The following MAGI1 variants were observed in gnomAD, a reference collection of about 807,000 sequenced individuals.
MAGI1 encodes membrane-associated guanylate kinase, WW and PDZ domain-containing protein 1.
In MAGI1, 58 loss-of-function variants were observed where a neutral mutation model predicts 139.9. The ratio of observed to expected loss-of-function variants is 0.41; its 90% CI spans 0.34 to 0.52. The LOEUF (loss-of-function observed/expected upper bound fraction) is 0.52, where lower values mean the gene tolerates loss of function less well. Ranked by LOEUF, MAGI1 falls within the 20% of genes least tolerant of loss-of-function variation. MAGI1 has a pLI of 0.12. For missense variants in MAGI1, 1,874 were observed against 1,901.6 expected (o/e 0.99, Z 0.27); for synonymous variants, 812 against 737.9 (o/e 1.10, Z -1.63).
chr3:65,940,130 G>A (rs2063238582), intron 1 of MAGI1, among the ~76,000 whole-genome samples: 1 of 152,242 alleles, frequency 6.6e-6, no homozygotes, highest in East Asian at 1.9e-4. Flanking sequence ...AAGCAGTGAA[G>A]CACTAGAATA....
At chr3:65,847,378 TG>T (rs2059042112) in intron 1 of MAGI1, among the ~76,000 whole-genome samples, 2 of 151,780 alleles carry the variant, frequency 1.3e-5, no homozygotes, top group Admixed American at 1.3e-4. Flanking sequence ...CACCACCTGG[TG>T]GTTTTTTTTC....
At chr3:65,499,663 G>A (rs921650499) in intron 2 of MAGI1, among the ~76,000 whole-genome samples, 2 of 152,108 alleles carry the variant, frequency 1.3e-5, no homozygotes, top group South Asian at 2.1e-4. Context: ...GCAGTTACCT[G>A]AAGGAATGCC....
chr3:65,936,972 A>ATGG (rs1322277346), intron 1 of MAGI1, among the ~76,000 whole-genome samples: 3 of 149,824 alleles, frequency 2.0e-5, no homozygotes, highest in African/African-American at 7.4e-5. Flanking sequence ...GGTGGTGGTG[A>ATGG]TGGTGGTGGT....
intron 2 of MAGI1, among the ~76,000 whole-genome samples, chr3:65,614,561 T>C (rs570904603): frequency 1.8e-4 from 27 of 152,268 alleles, no homozygotes; most frequent in African/African-American, 6.5e-4. Context: ...AACTTGGTTT[T>C]TTTAAAAAAA....
At chr3:65,455,451 C>G (rs921468278) in intron 5 of MAGI1, among the ~76,000 whole-genome samples, 2 of 152,102 alleles carry the variant, frequency 1.3e-5, no homozygotes, top group Non-Finnish European at 2.9e-5. Flanking sequence ...TGGTACATGC[C>G]TGTAACTCCA....
chr3:65,539,697 T>G (rs888952411), intron 2 of MAGI1, among the ~76,000 whole-genome samples: 2 of 152,174 alleles, frequency 1.3e-5, no homozygotes, highest in African/African-American at 2.4e-5. Flanking sequence ...TAGCAGACTG[T>G]GGCAACTATT....
chr3:65,365,232 A>G (rs1941300914), intron 18 of MAGI1: 1 of 602,182 alleles, frequency 1.7e-6, no homozygotes, highest in Non-Finnish European at 3.2e-6. Context: ...TAGCCAAGGT[A>G]TATGTTTCTC....
rs1188679788 is a variant in MAGI1, at chr3:65,493,619, G to A, written c.443C>T (p.Ser148Phe). The change falls in exon 3 of 23, where the codon TCT becomes TTT. Residue 148 changes from serine (S) to phenylalanine (F), a missense_variant. Physicochemically the swap from Ser to Phe is radical, Grantham distance 155 (BLOSUM62 -2). Around this residue, in one of 5 missense-constraint regions of MAGI1, gnomAD observed 648 missense variants for 598.1 expected, o/e 1.08. Transcript: ENST00000402939. The stretch of plus-strand genomic sequence containing the variant: ...GCCAGGCACTTCTCCTTCTCTGGGA[G>A]ATCGGGTTGTGCCTGTAGCAGAAAA... ...YRHAVPCTTRSPREGEVPGVD... is the reference protein window; with the variant it reads ...YRHAVPCTTRFPREGEVPGVD... The A allele has an allele frequency of 6.2e-7, 1 of 1,614,010 alleles. No homozygotes were observed. The highest frequency in any genetic ancestry group is 8.5e-7 in the Non-Finnish European group (1 of 1,180,042).
intron 19 of MAGI1, 34 bp from the exon 20 acceptor site, chr3:65,364,759 C>A (rs374431514): frequency 4.6e-5 from 74 of 1,609,270 alleles, no homozygotes; most frequent in Non-Finnish European, 6.0e-5. Context: ...ATAAGAGCAA[C>A]CCATTAGCAA....
At chr3:65,501,157 T>C (rs1369740284) in intron 2 of MAGI1, among the ~76,000 whole-genome samples, 1 of 152,022 alleles carries the variant, frequency 6.6e-6, no homozygotes, top group Non-Finnish European at 1.5e-5. Context: ...TTATTTAATA[T>C]GAAAAACCCC....
chr3:65,776,392 T>A lies in MAGI1; in HGVS notation c.314-154304A>T, dbSNP rs748544827. On this transcript the variant is annotated intron_variant, in intron 1 of 22. Transcript: ENST00000402939. ...AGAATGGAAGATATATTTCCAAAAA[T>A]TTTTCAAAGCCTCTGAGTCCCAGGA... Among the ~76,000 whole-genome samples the A allele has an allele frequency of 1.4e-4, 22 of 152,214 alleles. 1 individual carries two copies. Among genetic ancestry groups the A allele is most frequent in the Non-Finnish European group, 2.8e-4 (19 of 68,012 alleles).
chr3:66,032,963 G>A (rs1203929056), intron 1 of MAGI1, among the ~76,000 whole-genome samples: 5 of 149,828 alleles, frequency 3.3e-5, no homozygotes, highest in East Asian at 3.9e-4. Context: ...AAGATAATAC[G>A]AGATTGTGTC....
At chr3:65,382,552 G>C (rs761225344) in intron 15 of MAGI1, among the ~76,000 whole-genome samples, 1 of 152,134 alleles carries the variant, frequency 6.6e-6, no homozygotes, top group Non-Finnish European at 1.5e-5. Flanking sequence ...TTTAGCACCC[G>C]AAAGCAGAGC....
intron 2 of MAGI1, among the ~76,000 whole-genome samples, chr3:65,580,541 A>C (rs1444244847): frequency 1.3e-5 from 2 of 152,120 alleles, no homozygotes; most frequent in African/African-American, 4.8e-5. Context: ...TACTCCTAAC[A>C]CAGGTTATTT....
intron 1 of MAGI1, among the ~76,000 whole-genome samples, chr3:65,936,000 C>T (rs1336248168): frequency 6.6e-6 from 1 of 152,190 alleles, no homozygotes; most frequent in East Asian, 1.9e-4. Context: ...GGCCAACTCA[C>T]AAAATGATGA....
chr3:66,037,982 G>A lies in MAGI1; in HGVS notation c.313+14C>T, dbSNP rs1294348775. On this transcript the variant is annotated intron_variant, in intron 1 of 22. Coordinates refer to ENST00000402939, the MANE Select transcript of MAGI1 (RefSeq NM_001033057.2). ...TTTTCTCGGGGCGCCCCCCAAAGGCGCGCCCTGCCTTACCTTGTCTGACGG... is the reference window on the plus strand; with the variant it reads ...TTTTCTCGGGGCGCCCCCCAAAGGCACGCCCTGCCTTACCTTGTCTGACGG... 2 of 1,532,454 alleles carry A rather than the reference G, an allele frequency of 1.3e-6. No homozygotes were observed. The highest frequency in any genetic ancestry group is 1.8e-6 in the Non-Finnish European group (2 of 1,140,456). The allele number at this position is 1,532,454 out of a possible 1,614,324, so 94.9% of individuals were successfully genotyped here. A position where few individuals can be genotyped will look rare whatever the true frequency, so the allele number is the denominator to read the frequency against.
At chr3:65,959,282 C>A (rs1411709317) in intron 1 of MAGI1, among the ~76,000 whole-genome samples, 1 of 152,152 alleles carries the variant, frequency 6.6e-6, no homozygotes, top group African/African-American at 2.4e-5. Context: ...GTCTTCTACT[C>A]CCTTAAGACA....
chr3:66,000,078 T>C (rs2107437060), intron 1 of MAGI1, among the ~76,000 whole-genome samples: 1 of 147,188 alleles, frequency 6.8e-6, no homozygotes, highest in Admixed American at 7.0e-5. Flanking sequence ...GTCCACGCCA[T>C]TCTCCTGCCT....
At chr3:65,514,186 A>T (rs986163094) in intron 2 of MAGI1, among the ~76,000 whole-genome samples, 3 of 151,426 alleles carry the variant, frequency 2.0e-5, no homozygotes, top group African/African-American at 7.3e-5. Context: ...TAAACGTTAG[A>T]CTTAAAACCA....
Sources: gnomAD v4.1 joint callset for allele counts (sites outside exome capture counted in the v4.1 genomes callset) on GRCh38, gnomAD v4.1.1 for gene constraint, gnomAD v4.1.1 regional missense constraint, MANE v1.5 for transcripts, NCBI Gene and HGNC (gene_info 2026-07-23, HGNC 2026-07-21) for gene names.